The following MYO3B variants were observed in gnomAD, a reference collection of about 807,000 sequenced individuals.
The protein encoded by MYO3B is myosin IIIB, also known as myosin-IIIb.
In MYO3B, 156 loss-of-function variants were observed where a neutral mutation model predicts 174.6. The observed-to-expected ratio is 0.89, with a 90% CI of 0.78 to 1.02. The LOEUF (loss-of-function observed/expected upper bound fraction) is 1.02, where lower values mean the gene tolerates loss of function less well. Ranked by LOEUF, MYO3B falls within the 50% of genes least tolerant of loss-of-function variation. The pLI, the probability that MYO3B is intolerant of heterozygous loss-of-function variation, is 0.00. For synonymous variants in MYO3B, 563 were observed against 569.1 expected, an observed-to-expected ratio of 0.99 and a Z score of 0.15; for missense variants, 1,632 against 1,639.4, an observed-to-expected ratio of 1.00 and a Z score of 0.08.
At position 170,236,030 on chromosome 2, in the gene MYO3B, G is replaced by T. The variant is rs200288720; in HGVS notation, c.643G>T (p.Ala215Ser). 6 of 1,613,936 alleles carry T rather than the reference G, an allele frequency of 3.7e-6. No homozygotes were observed. Among genetic ancestry groups the T allele is most frequent in the South Asian group, 2.2e-5 (2 of 91,032 alleles). ...GCAGCAGTATGACTCTTCCTATGAC[G>T]CTCGCTGTGACGTCTGGTCCTTGGG... is the stretch of plus-strand genomic sequence containing the variant. ...CEQQYDSSYD[A>S]RCDVWSLGIT... The change falls in exon 7 of 35, where the codon GCT becomes TCT. Residue 215 changes from alanine (A) to serine (S), a missense_variant. By Grantham distance (99) the Ala-to-Ser change is moderately conservative. Transcript: ENST00000408978.
chr2:170,535,595 C>T (rs989039103), intron 30 of MYO3B, among the ~76,000 whole-genome samples: 1 of 152,182 alleles, frequency 6.6e-6, no homozygotes, highest in Non-Finnish European at 1.5e-5. Flanking sequence ...TCCGGGTCAA[C>T]CAGATCAGGA....
chr2:170,380,162 G>A (rs1309100471), intron 9 of MYO3B, among the ~76,000 whole-genome samples: 1 of 152,164 alleles, frequency 6.6e-6, no homozygotes, highest in Non-Finnish European at 1.5e-5. Context: ...CTGTGATGTT[G>A]ATGGGCACAA....
intron 7 of MYO3B, among the ~76,000 whole-genome samples, chr2:170,317,276 A>T (rs1302087740): frequency 7.0e-6 from 1 of 142,640 alleles, no homozygotes; most frequent in African/African-American, 2.5e-5. Flanking sequence ...TTGGAAAAGT[A>T]TCTCACATCT....
At chr2:170,372,465 G>A (rs1352211275) in intron 9 of MYO3B, among the ~76,000 whole-genome samples, 1 of 152,088 alleles carries the variant, frequency 6.6e-6, no homozygotes, top group African/African-American at 2.4e-5. Flanking sequence ...ACACTACTGA[G>A]GTACTGAATG....
chr2:170,457,729 A>T (rs1301264306), intron 23 of MYO3B, among the ~76,000 whole-genome samples: 2 of 152,152 alleles, frequency 1.3e-5, no homozygotes, highest in African/African-American at 4.8e-5. Context: ...TTTTAATGTA[A>T]GTAGAAGAAG....
intron 32 of MYO3B, among the ~76,000 whole-genome samples, chr2:170,594,570 G>T (rs537908887): frequency 8.5e-5 from 13 of 152,270 alleles, no homozygotes; most frequent in African/African-American, 2.6e-4. Context: ...TTTTACCACA[G>T]GTTTCAAGGG....
intron 8 of MYO3B, chr2:170,344,906 C>T (rs2105575924): frequency 6.6e-6 from 1 of 152,264 alleles, no homozygotes; most frequent in African/African-American, 2.4e-5. Context: ...TGTCAGGATC[C>T]CTCTGAACCC....
chr2:170,653,167 G>T lies in MYO3B; in HGVS notation c.*46G>T, dbSNP rs770371954. 1 of 1,609,982 alleles carries T rather than the reference G, an allele frequency of 6.2e-7. No homozygotes were observed. Among genetic ancestry groups the T allele is most frequent in the Non-Finnish European group, 8.5e-7 (1 of 1,176,778 alleles). ...ATCTGTCCAGAGTAGGAACATTCAT[G>T]GTAATCGACTGTCTGTCATTGCGTA... On this transcript the variant is annotated 3_prime_UTR_variant, in exon 35 of 35. Transcript: ENST00000408978.
chr2:170,197,654 T>C (rs1031561204), intron 1 of MYO3B, among the ~76,000 whole-genome samples: 9 of 152,198 alleles, frequency 5.9e-5, no homozygotes, highest in Non-Finnish European at 8.8e-5. Context: ...CTTTGCCATC[T>C]CACCCCAGAA....
chr2:170,439,042 G>A (rs2094778542), intron 22 of MYO3B, among the ~76,000 whole-genome samples: 1 of 150,636 alleles, frequency 6.6e-6, no homozygotes. Flanking sequence ...TGCCTTCTTT[G>A]GCGATATGTG....
At chr2:170,363,353 G>GT (rs780819408) in intron 8 of MYO3B, among the ~76,000 whole-genome samples, 1 of 152,076 alleles carries the variant, frequency 6.6e-6, no homozygotes, top group Non-Finnish European at 1.5e-5. Context: ...TATATCAAGT[G>GT]TTTTATTCAT....
intron 7 of MYO3B, among the ~76,000 whole-genome samples, chr2:170,242,937 T>A (rs978544230): frequency 1.3e-5 from 2 of 152,206 alleles, no homozygotes; most frequent in African/African-American, 4.8e-5. Flanking sequence ...TAATTATAAC[T>A]GCCTTTATGG....
intron 32 of MYO3B, among the ~76,000 whole-genome samples, chr2:170,632,660 C>CA (rs569409930): frequency 1.3e-5 from 2 of 151,886 alleles, no homozygotes; most frequent in African/African-American, 4.8e-5. Context: ...GATAGAGACA[C>CA]AAAAAACCCT....
chr2:170,218,371 CTT>C (rs1456546947), intron 6 of MYO3B, among the ~76,000 whole-genome samples: 1 of 151,684 alleles, frequency 6.6e-6, no homozygotes, highest in Non-Finnish European at 1.5e-5. Context: ...GATATAAACT[CTT>C]TGTCATTTTT....
chr2:170,530,280 C>A (rs1294078763), intron 30 of MYO3B, among the ~76,000 whole-genome samples: 1 of 152,104 alleles, frequency 6.6e-6, no homozygotes, highest in African/African-American at 2.4e-5. Flanking sequence ...ATAAACAGTC[C>A]CTGATACCAA....
chr2:170,352,800 T>C (rs2094085994), intron 8 of MYO3B, among the ~76,000 whole-genome samples: 1 of 152,184 alleles, frequency 6.6e-6, no homozygotes, highest in Non-Finnish European at 1.5e-5. Flanking sequence ...GATTTCCTCA[T>C]AGTCTTCCTA....
At chr2:170,636,040 C>T (rs968898170) in intron 32 of MYO3B, among the ~76,000 whole-genome samples, 1 of 152,184 alleles carries the variant, frequency 6.6e-6, no homozygotes, top group Non-Finnish European at 1.5e-5. Context: ...TTTTTAGTCA[C>T]AGATCGTATT....
chr2:170,199,136 C>A (rs994458003), intron 1 of MYO3B, 72 bp from the exon 2 acceptor site: 34 of 1,046,382 alleles, frequency 3.2e-5, no homozygotes, highest in Non-Finnish European at 4.2e-5. Flanking sequence ...AAATAAAAAT[C>A]TTTTTGTTTC....
At chr2:170,534,053 A>C (rs890645563) in intron 30 of MYO3B, among the ~76,000 whole-genome samples, 1 of 152,182 alleles carries the variant, frequency 6.6e-6, no homozygotes, top group Non-Finnish European at 1.5e-5. Context: ...ACTTTTACTA[A>C]ATAATTACAA....
Sources: gnomAD v4.1 joint callset for allele counts (sites outside exome capture counted in the v4.1 genomes callset) on GRCh38, gnomAD v4.1.1 for gene constraint, MANE v1.5 for transcripts, NCBI Gene and HGNC (gene_info 2026-07-23, HGNC 2026-07-21) for gene names.